PTPRZ1: variants seen among roughly 807,000 people sequenced by gnomAD.
PTPRZ1 encodes the protein protein tyrosine phosphatase receptor type Z1.
A neutral mutation model predicts 214.1 loss-of-function variants in PTPRZ1; 82 were observed. That is an observed-to-expected ratio of 0.38 (90% confidence interval 0.32 to 0.46). The LOEUF (loss-of-function observed/expected upper bound fraction) is 0.46, where lower values mean the gene tolerates loss of function less well. Ranked by LOEUF, PTPRZ1 falls within the 20% of genes least tolerant of loss-of-function variation. PTPRZ1 has a pLI of 1.00. For missense variants in PTPRZ1, 2,603 were observed against 2,748.7 expected, an observed-to-expected ratio of 0.95 and a Z score of 1.19; for synonymous variants, 945 against 987.9, an observed-to-expected ratio of 0.96 and a Z score of 0.81.
chr7:121,947,175 G>T (rs1796406528), intron 2 of PTPRZ1, among the ~76,000 whole-genome samples: 1 of 151,832 alleles, frequency 6.6e-6, no homozygotes, highest in African/African-American at 2.4e-5. Context: ...AGTGTCAGTG[G>T]GATGTTGGCA....
intron 10 of PTPRZ1, 129 bp from the exon 11 acceptor site, chr7:122,004,485 G>A: frequency 1.7e-6 from 1 of 575,144 alleles, no homozygotes; most frequent in Non-Finnish European, 3.1e-6. Flanking sequence ...TTGTGAGAAA[G>A]TCTGTATTTT....
At position 122,012,110 on chromosome 7, in the gene PTPRZ1, G is replaced by C. The variant is rs1287742504; in HGVS notation, c.3064G>C (p.Val1022Leu). The C allele has an allele frequency of 6.2e-7, 1 of 1,613,830 alleles. No individual in the cohort carries two copies. Among genetic ancestry groups the C allele is most frequent in the African/African-American group, 1.3e-5 (1 of 74,912 alleles). ...GACAGCCCTTAACATTTCTTCACCT[G>C]TTTCTGTAGCTGAATTTACATATAC... Reference protein sequence around the residue: ...GLTALNISSPVSVAEFTYTTS... With the variant: ...GLTALNISSPLSVAEFTYTTS... The change falls in exon 12 of 30, where the codon GTT (valine) becomes CTT (leucine). Residue 1022 changes from valine (V) to leucine (L), a missense_variant. Physicochemically the swap from Val to Leu is conservative, Grantham distance 32. This residue lies in a region of PTPRZ1 where 1,913 missense variants were observed against 1,914.3 expected (regional missense o/e 1.00). Coordinates refer to ENST00000393386, the MANE Select transcript of PTPRZ1 (RefSeq NM_002851.3).
intron 15 of PTPRZ1, chr7:122,033,713 T>G (rs1799454450): frequency 5.7e-6 from 1 of 175,312 alleles, no homozygotes; most frequent in Admixed American, 6.2e-5. Context: ...AGCACATCAC[T>G]AATTCAGAGT....
At chr7:121,954,447 T>G (rs867802547) in intron 2 of PTPRZ1, among the ~76,000 whole-genome samples, 7 of 152,188 alleles carry the variant, frequency 4.6e-5, no homozygotes, top group Admixed American at 6.5e-5. Context: ...GCCATGAATT[T>G]CTTCCTTACC....
At chr7:121,881,476 A>G (rs1794236542) in intron 1 of PTPRZ1, among the ~76,000 whole-genome samples, 1 of 152,214 alleles carries the variant, frequency 6.6e-6, no homozygotes, top group African/African-American at 2.4e-5. Flanking sequence ...TCTCCAGGTG[A>G]TTATAGAGCA....
chr7:121,929,182 C>G (rs1052030235), intron 2 of PTPRZ1, among the ~76,000 whole-genome samples: 1 of 151,978 alleles, frequency 6.6e-6, no homozygotes, highest in Non-Finnish European at 1.5e-5. Flanking sequence ...TATTTTATTT[C>G]CCTCAGGAAT....
At chr7:121,893,945 A>C (rs1430017119) in intron 1 of PTPRZ1, among the ~76,000 whole-genome samples, 1 of 152,176 alleles carries the variant, frequency 6.6e-6, no homozygotes, top group Non-Finnish European at 1.5e-5. Context: ...GTCTAGACTT[A>C]TAATAGGTTA....
intron 24 of PTPRZ1, 75 bp downstream of exon 24, chr7:122,051,596 G>A (rs892514944): frequency 1.6e-6 from 2 of 1,288,288 alleles, no homozygotes; most frequent in Admixed American, 1.9e-5. Flanking sequence ...GGCAATATTT[G>A]TATACCTTTG....
intron 13 of PTPRZ1, among the ~76,000 whole-genome samples, chr7:122,024,255 T>G (rs2116700562): frequency 6.6e-6 from 1 of 152,048 alleles, no homozygotes; most frequent in Admixed American, 6.6e-5. Context: ...TTTTTTTTTT[T>G]AAGGCAAATT....
chr7:121,916,297 T>C (rs1795424814), intron 1 of PTPRZ1, among the ~76,000 whole-genome samples: 1 of 150,412 alleles, frequency 6.6e-6, no homozygotes, highest in African/African-American at 2.5e-5. Context: ...AAAAGTTCAT[T>C]TTTATTTAAC....
At chr7:122,055,739 A>G (rs898122112) in intron 27 of PTPRZ1, among the ~76,000 whole-genome samples, 2 of 151,962 alleles carry the variant, frequency 1.3e-5, no homozygotes, top group Non-Finnish European at 2.9e-5. Flanking sequence ...ACATAGAACT[A>G]TAGTAAAATA....
chr7:122,004,288 C>T (rs1218710519), intron 10 of PTPRZ1, among the ~76,000 whole-genome samples: 3 of 152,084 alleles, frequency 2.0e-5, no homozygotes, highest in Admixed American at 6.6e-5. Context: ...TTTCTTTACA[C>T]TCAGTTTTAT....
intron 10 of PTPRZ1, among the ~76,000 whole-genome samples, chr7:121,998,533 C>T (rs1045027306): frequency 6.6e-6 from 1 of 152,040 alleles, no homozygotes; most frequent in South Asian, 2.1e-4. Flanking sequence ...ATTGCCCTTA[C>T]TCTTCCCAAA....
chr7:121,952,261 G>GT (rs201736692), intron 2 of PTPRZ1, among the ~76,000 whole-genome samples: 2,101 of 17,666 alleles, frequency 0.12, 24 homozygotes, highest in Non-Finnish European at 0.44. Flanking sequence ...CCCGGTGAGT[G>GT]TTTTTTTTTT....
intron 1 of PTPRZ1, among the ~76,000 whole-genome samples, chr7:121,920,591 C>T (rs183588765): frequency 1.8e-4 from 28 of 152,186 alleles, no homozygotes; most frequent in Admixed American, 7.2e-4. Flanking sequence ...AGACATAAAA[C>T]TAGGTAACTA....
chr7:121,976,768 T>G lies in PTPRZ1; in HGVS notation c.553-17T>G, dbSNP rs775867634. 1 of 1,568,214 alleles carries G rather than the reference T, an allele frequency of 6.4e-7. No individual in the cohort carries two copies. Among genetic ancestry groups the G allele is most frequent in the Non-Finnish European group, 8.7e-7 (1 of 1,151,774 alleles). ...AATGTTTTATTCTTTTTTTAGAATG[T>G]GATTCTTTTTTAACAGGTTGGGACA... On this transcript the variant is annotated splice_polypyrimidine_tract_variant and intron_variant, in intron 5 of 29. Transcript: ENST00000393386.
At chr7:121,926,122 G>A (rs973875320) in intron 1 of PTPRZ1, among the ~76,000 whole-genome samples, 3 of 152,066 alleles carry the variant, frequency 2.0e-5, no homozygotes, top group Non-Finnish European at 4.4e-5. Flanking sequence ...GACCAACATA[G>A]TGAAACCCCG....
chr7:122,046,932 G>A (rs1792008788), intron 23 of PTPRZ1, among the ~76,000 whole-genome samples: 1 of 152,124 alleles, frequency 6.6e-6, no homozygotes, highest in Non-Finnish European at 1.5e-5. Context: ...TCTAAGAAAG[G>A]TTAGAAAGGA....
intron 1 of PTPRZ1, among the ~76,000 whole-genome samples, chr7:121,898,109 G>A (rs1794853735): frequency 6.6e-6 from 1 of 152,056 alleles, no homozygotes; most frequent in Non-Finnish European, 1.5e-5. Flanking sequence ...AATGTATATA[G>A]AGAGCTATCA....
Sources: gnomAD v4.1 joint callset for allele counts (sites outside exome capture counted in the v4.1 genomes callset) on GRCh38, gnomAD v4.1.1 for gene constraint, gnomAD v4.1.1 regional missense constraint, MANE v1.5 for transcripts, NCBI Gene and HGNC (gene_info 2026-07-23, HGNC 2026-07-21) for gene names.